Variants in CLIP1 observed in about 807,000 individuals in gnomAD.
The protein encoded by CLIP1 is CAP-Gly domain containing linker protein 1.
A neutral mutation model predicts 161.6 loss-of-function variants in CLIP1; 66 were observed. The ratio of observed to expected loss-of-function variants is 0.41; its 90% CI spans 0.33 to 0.50. The LOEUF (loss-of-function observed/expected upper bound fraction) is 0.50. Among genes scored for constraint, CLIP1 ranks in the 20% least tolerant of loss-of-function variants. CLIP1 has a pLI of 0.27. For synonymous variants in CLIP1, 598 were observed against 626.2 expected, an observed-to-expected ratio of 0.96 and a Z score of 0.67; for missense variants, 1,376 against 1,702.0, an observed-to-expected ratio of 0.81 and a Z score of 3.37.
chr12:122,308,040 A>G (rs1950934903), intron 20 of CLIP1, among the ~76,000 whole-genome samples: 1 of 152,200 alleles, frequency 6.6e-6, no homozygotes, highest in South Asian at 2.1e-4. Flanking sequence ...TAATCACAAA[A>G]CCTTTTCAGT....
chr12:122,307,016 T>G (rs1225099362), intron 20 of CLIP1, among the ~76,000 whole-genome samples: 1 of 138,144 alleles, frequency 7.2e-6, no homozygotes, highest in Non-Finnish European at 1.6e-5. Context: ...TTTTTTTTTT[T>G]TTTTTTTTTT....
intron 8 of CLIP1, among the ~76,000 whole-genome samples, chr12:122,351,860 A>C (rs1953051198): frequency 6.6e-6 from 1 of 152,202 alleles, no homozygotes; most frequent in South Asian, 2.1e-4. Flanking sequence ...CCTGACACTA[A>C]AGGAAAATCC....
chr12:122,355,043 C>G lies in CLIP1; in HGVS notation c.1203+72G>C. The G allele has an allele frequency of 7.3e-7, 1 of 1,372,192 alleles. No homozygotes were observed. The highest frequency in any genetic ancestry group is 1.0e-6 in the Non-Finnish European group (1 of 977,646). 85.0% of individuals were successfully genotyped at this position (1,372,192 alleles called of 1,614,324 possible). A position where few individuals can be genotyped will look rare whatever the true frequency, so the allele number is the denominator to read the frequency against. ...AAGTCTAGCTCCTCGGTGCCAAGCACCGGGCATGCTTCTCGGCTCCTCAGT... is the reference window on the plus strand; with the variant it reads ...AAGTCTAGCTCCTCGGTGCCAAGCAGCGGGCATGCTTCTCGGCTCCTCAGT... On this transcript the variant is annotated intron_variant, in intron 6 of 25. Transcript: ENST00000620786. The surrounding 1 kb of genome is among the most constrained non-coding windows in gnomAD (Gnocchi z 4.1).
In CLIP1 at chr12:122,272,903, G is replaced by A. The variant is rs1470338305; in HGVS notation, c.4289C>T (p.Thr1430Ile). The A allele has an allele frequency of 1.2e-6, 2 of 1,614,180 alleles. No homozygotes were observed. Among genetic ancestry groups the A allele is most frequent in the Non-Finnish European group, 1.7e-6 (2 of 1,180,040 alleles). The change falls in exon 26 of 26, where the codon ACC (threonine) becomes ATC (isoleucine). Residue 1430 changes from threonine (T) to isoleucine (I), a missense_variant. Around this residue, in one of 6 missense-constraint regions of CLIP1, gnomAD observed 948 missense variants for 1,134.8 expected, o/e 0.84. Transcript: ENST00000620786. ...GAAGGTTTCGTCGTCATTGCAGTTGGTGGCCCAGTGTCCAAACATCTCACA... is the reference window on the plus strand; with the variant it reads ...GAAGGTTTCGTCGTCATTGCAGTTGATGGCCCAGTGTCCAAACATCTCACA... The part of the protein sequence containing the change: ...EICEMFGHWA[T>I]NCNDDETF
In CLIP1 at chr12:122,279,924, G is replaced by T; in HGVS notation, c.3648-779C>A. ...AGCACTTGGTTATCAGCAGAGGGCGGGGATGAGGCCTTTAATGAGAGGGTT... is the reference window on the plus strand; with the variant it reads ...AGCACTTGGTTATCAGCAGAGGGCGTGGATGAGGCCTTTAATGAGAGGGTT... On this transcript the variant is annotated intron_variant, in intron 21 of 25. Transcript: ENST00000620786. This position sits in a 1 kb window ranked among gnomAD's most constrained non-coding sequence, Gnocchi z 4.5. 6.6e-6 allele frequency: 1 copy of T among 152,342 alleles called. No homozygotes were observed. The allele number at this position is 152,342 out of a possible 1,614,324, so 9.4% of individuals were successfully genotyped here. A position where few individuals can be genotyped will look rare whatever the true frequency, so the allele number is the denominator to read the frequency against.
rs556842159 is a variant in CLIP1 at position 122,282,584 on chromosome 12, G to A, written c.3648-3439C>T. Among the ~76,000 whole-genome samples, 13 of 151,876 alleles carry A rather than the reference G, an allele frequency of 8.6e-5. No individual in the cohort carries two copies. The South Asian group carries it at 2.7e-3, about 32-fold the overall frequency. ...AAATATTAGAACCATGAAGAGAAAC[G>A]CAAATACAGTAAGGAGACTAAATTT... On this transcript the variant is annotated intron_variant, in intron 21 of 25. Coordinates refer to ENST00000620786, the MANE Select transcript of CLIP1 (RefSeq NM_001247997.2).
chr12:122,363,991 A>G lies in CLIP1; in HGVS notation c.774T>C (p.Ala258=). ...EPLGKNDGAV[A]GTRYFQCQPK... is the part of the protein sequence containing the mutation. ...CACAACGCCAAACAAACCTTGTTCC[A>G]GCAACAGCGCCATCATTCTTCCCAA... The change falls in exon 4 of 26, where the codon GCT becomes GCC. Residue 258 remains alanine, a synonymous_variant. Transcript: ENST00000620786. The G allele has an allele frequency of 6.2e-7, 1 of 1,614,176 alleles. No homozygotes were observed. Among genetic ancestry groups the G allele is most frequent in the Non-Finnish European group, 8.5e-7 (1 of 1,180,016 alleles).
At chr12:122,363,834 G>T in intron 4 of CLIP1, 149 bp downstream of exon 4, 1 of 1,016,526 alleles carries the variant, frequency 9.8e-7, no homozygotes, top group Non-Finnish European at 1.4e-6. Flanking sequence ...TTTAGTGTGG[G>T]GAAAAAAAAT....
intron 20 of CLIP1, among the ~76,000 whole-genome samples, chr12:122,297,077 TAAA>T (rs60452680): frequency 0.1 from 15,509 of 151,920 alleles, 2,566 homozygotes; most frequent in African/African-American, 0.35. Context: ...AAGGGAGAGT[TAAA>T]GAAAAATATT....
chr12:122,365,765 T>C lies in CLIP1; in HGVS notation c.658-1658A>G, dbSNP rs1352509080. On this transcript the variant is annotated intron_variant, in intron 3 of 25. Transcript: ENST00000620786. ...GTTCATGCCTGTAATCTCAGCACTTTGGGAGGCCCAGGCAGGAGAACTGCT... is the reference window on the plus strand; with the variant it reads ...GTTCATGCCTGTAATCTCAGCACTTCGGGAGGCCCAGGCAGGAGAACTGCT... 6.7e-6 allele frequency: 4 copies of C among 596,216 alleles called. No individual in the cohort carries two copies. In the Admixed American group the frequency reaches 9.2e-5, roughly 14 times the overall value. 36.9% of individuals were successfully genotyped at this position (596,216 alleles called of 1,614,324 possible). A position where few individuals can be genotyped will look rare whatever the true frequency, so the allele number is the denominator to read the frequency against.
At chr12:122,404,913 A>G (rs1475113209) in intron 1 of CLIP1, among the ~76,000 whole-genome samples, 7 of 134,582 alleles carry the variant, frequency 5.2e-5, no homozygotes, top group African/African-American at 1.8e-4. Flanking sequence ...AAAAAAAAAC[A>G]AAACAAAAAA....
chr12:122,361,593 G>A (rs61954418), intron 4 of CLIP1, among the ~76,000 whole-genome samples: 15,138 of 152,284 alleles, frequency 0.099, 1,263 homozygotes, highest in East Asian at 0.45. Context: ...AGAGTTGGAC[G>A]TGGTGGCTCA....
intron 21 of CLIP1, among the ~76,000 whole-genome samples, chr12:122,281,708 C>T (rs1955655120): frequency 6.7e-6 from 1 of 150,234 alleles, no homozygotes. Context: ...AGCAAGACCC[C>T]GTCTGAAAAA....
At chr12:122,352,888 C>T (rs1953114934) in intron 7 of CLIP1, 102 bp from the exon 8 acceptor site, 1 of 962,030 alleles carries the variant, frequency 1.0e-6, no homozygotes, top group Non-Finnish European at 1.7e-6. Flanking sequence ...GCATGGTAGG[C>T]CACTCCTATA....
At chr12:122,364,523 CT>C (rs1252115851) in intron 3 of CLIP1, among the ~76,000 whole-genome samples, 5 of 151,968 alleles carry the variant, frequency 3.3e-5, no homozygotes, top group Non-Finnish European at 4.4e-5. Context: ...CCACCTCAAC[CT>C]CCTGGGTAGC....
At chr12:122,391,501 G>A (rs977761878) in intron 1 of CLIP1, among the ~76,000 whole-genome samples, 75 of 152,250 alleles carry the variant, frequency 4.9e-4, no homozygotes, top group Non-Finnish European at 9.3e-4. Context: ...CAGGAAAATC[G>A]CTTGAACCCA....
rs57202144 is a variant in CLIP1, at chr12:122,341,762, CTTTTTTTTTTTTTTTTT to C, written c.1507-82_1507-66del. ...AACAAGTCATTGACTATTTTCTTTT[CTTTTTTTTTTTTTTTTT>C]TTTTTTTTTTTTTTTTTTTTTGAGA... is the stretch of plus-strand genomic sequence containing the variant. On this transcript the variant is annotated intron_variant, in intron 10 of 25. Transcript: ENST00000620786. 317 of 98,612 alleles carry C rather than the reference CTTTTTTTTTTTTTTTTT, an allele frequency of 3.2e-3. 3 individuals are homozygous for C. Among genetic ancestry groups the C allele is most frequent in the African/African-American group, 0.01 (208 of 20,542 alleles). 6.1% of individuals were successfully genotyped at this position (98,612 alleles called of 1,614,324 possible). A position where few individuals can be genotyped will look rare whatever the true frequency, so the allele number is the denominator to read the frequency against.
intron 2 of CLIP1, 76 bp from the exon 3 acceptor site, chr12:122,378,036 A>G: frequency 7.7e-7 from 1 of 1,301,142 alleles, no homozygotes; most frequent in Non-Finnish European, 1.1e-6. Flanking sequence ...AAACTAGAGA[A>G]AGCCAACAGC....
At chr12:122,395,604 A>T (rs111986780) in intron 1 of CLIP1, 1 of 152,154 alleles carries the variant, frequency 6.6e-6, no homozygotes, top group Non-Finnish European at 1.5e-5. Context: ...TTATCCTCCC[A>T]TCTGAGATTA....
Sources: allele counts gnomAD v4.1 joint callset (sites outside exome capture counted in the v4.1 genomes callset), GRCh38; gene constraint gnomAD v4.1.1; regional missense constraint gnomAD v4.1.1; non-coding constraint Gnocchi (gnomAD v3.1); transcripts MANE v1.5; gene names NCBI Gene and HGNC (gene_info 2026-07-23, HGNC 2026-07-21).